Variants in RIMS3 observed in about 807,000 individuals in gnomAD.
RIMS3 encodes regulating synaptic membrane exocytosis 3.
Under a neutral mutation model 29.2 loss-of-function variants are expected in RIMS3, and 15 were observed. The ratio of observed to expected loss-of-function variants is 0.51; its 90% CI spans 0.34 to 0.79. The LOEUF is 0.79. Ranked by LOEUF, RIMS3 falls within the 30% of genes least tolerant of loss-of-function variation. The probability of loss-of-function intolerance (pLI) is 0.01; values close to 1 mark genes in which losing one functional copy is unlikely to be tolerated. For synonymous variants in RIMS3, 161 were observed against 170.1 expected (o/e 0.95, Z 0.41); for missense variants, 342 against 421.4 (o/e 0.81, Z 1.65).
Position 40,641,816 on chromosome 1 carries a change from G to A in RIMS3, c.110C>T (p.Ala37Val), listed in dbSNP as rs373314155. 127 of 1,612,852 alleles carry A rather than the reference G, an allele frequency of 7.9e-5. No individual in the cohort carries two copies. The highest frequency in any genetic ancestry group is 9.7e-5 in the Non-Finnish European group (114 of 1,179,000). The change falls in exon 3 of 8, where the codon GCT becomes GTT. Residue 37 changes from alanine to valine, a missense_variant. Physicochemically the swap from Ala to Val is moderately conservative, Grantham distance 64. Transcript: ENST00000372684. ...ICGSQQAGGG[A>V]GTTTAKKRRS... is the part of the protein sequence containing the mutation. The stretch of plus-strand genomic sequence containing the variant: ...CCGCTTCTTGGCGGTGGTGGTCCCA[G>A]CCCCGCCCCCGGCTTGCTGGGATCC...
At chr1:40,634,813 C>T (rs1254295129) in intron 4 of RIMS3, among the ~76,000 whole-genome samples, 4 of 151,924 alleles carry the variant, frequency 2.6e-5, no homozygotes, top group East Asian at 1.9e-4. Flanking sequence ...TGGTGGTGCA[C>T]GCCTGTAATC....
Position 40,626,491 on chromosome 1 carries a change from A to G in RIMS3, c.*26T>C. ...GCCAGCAGGCACCCCTCCCCACACC[A>G]CCATCCTGGCCTCTTCCTGACATCC... is the stretch of plus-strand genomic sequence containing the variant. On this transcript the variant is annotated 3_prime_UTR_variant, in exon 8 of 8. Coordinates refer to ENST00000372684, the MANE Select transcript of RIMS3 (RefSeq NM_014747.3). 6.4e-7 allele frequency: 1 copy of G among 1,572,734 alleles called. No homozygotes were observed. Among genetic ancestry groups the G allele is most frequent in the South Asian group, 1.2e-5 (1 of 86,710 alleles).
the RIMS3 span, among the ~76,000 whole-genome samples, chr1:40,675,265 C>T: frequency 6.7e-6 from 1 of 149,872 alleles, no homozygotes; most frequent in Non-Finnish European, 1.5e-5. Flanking sequence ...TAGAGTGAGA[C>T]CCTGTCTCAG....
At chr1:40,675,077 A>C in the RIMS3 span, among the ~76,000 whole-genome samples, 1 of 152,290 alleles carries the variant, frequency 6.6e-6, no homozygotes, top group South Asian at 2.1e-4. Context: ...CCTGGACAAC[A>C]GTGAGACTTT....
the RIMS3 span, among the ~76,000 whole-genome samples, chr1:40,673,056 TG>T: frequency 6.6e-6 from 1 of 152,032 alleles, no homozygotes; most frequent in Non-Finnish European, 1.5e-5. Flanking sequence ...GGCAGGTGCC[TG>T]TAATCCCAGC....
At chr1:40,674,490 G>A in the RIMS3 span, among the ~76,000 whole-genome samples, 113 of 152,268 alleles carry the variant, frequency 7.4e-4, 1 homozygote, top group African/African-American at 2.7e-3. Context: ...TCTGACCAAT[G>A]GTGTATACTA....
intron 1 of RIMS3, among the ~76,000 whole-genome samples, chr1:40,649,296 C>A (rs1203209626): frequency 6.6e-6 from 1 of 152,208 alleles, no homozygotes; most frequent in African/African-American, 2.4e-5. Flanking sequence ...CACTTAAAGA[C>A]GCAATCATAT....
chr1:40,649,356 A>G (rs1473306110), intron 1 of RIMS3, among the ~76,000 whole-genome samples: 1 of 152,176 alleles, frequency 6.6e-6, no homozygotes, highest in African/African-American at 2.4e-5. Context: ...GACACACAGA[A>G]GCAGCCACGA....
At chr1:40,682,965 TC>T in the RIMS3 span, among the ~76,000 whole-genome samples, 1 of 152,038 alleles carries the variant, frequency 6.6e-6, no homozygotes, top group Non-Finnish European at 1.5e-5. Context: ...GGTCTTGAAC[TC>T]CTGACCTCAT....
rs113976769 is a variant in RIMS3 at position 40,661,572 on chromosome 1, C to T, written c.-207+3822G>A. ...CTGACTCTTGAAACCAGCCCTGCTC[C>T]CACCCCCAGCCAGCCCTGGGCCCGG... is the stretch of plus-strand genomic sequence containing the variant. On this transcript the variant is annotated intron_variant, in intron 1 of 7. Coordinates refer to ENST00000372684, the MANE Select transcript of RIMS3 (RefSeq NM_014747.3). Among the ~76,000 whole-genome samples the T allele has an allele frequency of 4.8e-4, 73 of 152,324 alleles. 1 individual carries two copies. Among genetic ancestry groups the T allele is most frequent in the South Asian group, 2.1e-4 (1 of 4,822 alleles).
the RIMS3 span, among the ~76,000 whole-genome samples, chr1:40,684,922 T>C: frequency 6.6e-6 from 1 of 152,194 alleles, no homozygotes; most frequent in Admixed American, 6.6e-5. Flanking sequence ...CATCAGGGTC[T>C]GGAAGTTGCA....
upstream of RIMS3, among the ~76,000 whole-genome samples, chr1:40,668,491 C>CGGGGGGGGGGGGGGGGGGGGGGGGGAGGG (rs56114535): frequency 1.9e-5 from 1 of 51,586 alleles, no homozygotes; most frequent in African/African-American, 7.7e-5. Flanking sequence ...GGGTTGTGGG[C>CGGGGGGGGGGGGGGGGGGGGGGGGGAGGG]GGGGGGGGGG....
chr1:40,632,563 A>G (rs891353299), intron 5 of RIMS3, among the ~76,000 whole-genome samples: 2 of 151,240 alleles, frequency 1.3e-5, no homozygotes. Context: ...CTTCCTTTGC[A>G]TGGATTCAGG....
At chr1:40,672,194 A>ATTTTT in the RIMS3 span, among the ~76,000 whole-genome samples, 5 of 106,982 alleles carry the variant, frequency 4.7e-5, no homozygotes, top group East Asian at 2.7e-4. Context: ...TAGCTAGATG[A>ATTTTT]TTTTTTTTTT....
In RIMS3 at chr1:40,635,888, G is replaced by A. The variant is rs1328225179; in HGVS notation, c.359+28C>T. 3.1e-6 allele frequency: 5 copies of A among 1,608,556 alleles called. No individual in the cohort carries two copies. The South Asian group carries it at 5.5e-5, about 18-fold the overall frequency. The stretch of plus-strand genomic sequence containing the variant: ...TGACTGGAGGACCGAGGAGGAGGGA[G>A]GGGACCACAGCACGGGGCTGCACGC... On this transcript the variant is annotated intron_variant, in intron 4 of 7. Coordinates refer to ENST00000372684, the MANE Select transcript of RIMS3 (RefSeq NM_014747.3). The surrounding 1 kb of genome is among the most constrained non-coding windows in gnomAD (Gnocchi z 4.1).
At chr1:40,668,858 C>G (rs1031658361), upstream of RIMS3, among the ~76,000 whole-genome samples, 2 of 152,176 alleles carry the variant, frequency 1.3e-5, no homozygotes, top group African/African-American at 4.8e-5. Flanking sequence ...CCCTCCAAGC[C>G]GAGACGGGGA....
the RIMS3 span, among the ~76,000 whole-genome samples, chr1:40,682,065 C>T: frequency 1.3e-5 from 2 of 152,196 alleles, no homozygotes; most frequent in African/African-American, 4.8e-5. Context: ...AACTCCTGAC[C>T]TCAGGTGATC....
At chr1:40,642,732 G>T (rs111485258) in intron 2 of RIMS3, among the ~76,000 whole-genome samples, 40,447 of 151,224 alleles carry the variant, frequency 0.27, 5,894 homozygotes, top group Non-Finnish European at 0.33. Flanking sequence ...GAGGCGGGCG[G>T]ATCACCTGAG....
chr1:40,637,609 C>T (rs1320236876), intron 3 of RIMS3, among the ~76,000 whole-genome samples: 1 of 152,154 alleles, frequency 6.6e-6, no homozygotes, highest in African/African-American at 2.4e-5. Context: ...TAATCTCATA[C>T]ACAAGGCTAC....
Sources: allele counts gnomAD v4.1 joint callset (sites outside exome capture counted in the v4.1 genomes callset), GRCh38; gene constraint gnomAD v4.1.1; non-coding constraint Gnocchi (gnomAD v3.1); transcripts MANE v1.5; gene names NCBI Gene and HGNC (gene_info 2026-07-23, HGNC 2026-07-21).